GLIS3: variants seen among roughly 807,000 people sequenced by gnomAD.
The protein encoded by GLIS3 is GLIS family zinc finger 3.
In GLIS3, 53 loss-of-function variants were observed where a neutral mutation model predicts 78.6. The ratio of observed to expected loss-of-function variants is 0.67; its 90% CI spans 0.54 to 0.85. The LOEUF (loss-of-function observed/expected upper bound fraction) is 0.85, where lower values mean the gene tolerates loss of function less well. GLIS3 is among the 40% of genes least tolerant of loss of function. GLIS3 has a pLI of 0.00. For synonymous variants in GLIS3, 684 were observed against 509.9 expected (o/e 1.34, Z -4.60); for missense variants, 1,703 against 1,231.1 (o/e 1.38, Z -5.74).
At chr9:4,128,719 G>A (rs1832751402) in intron 2 of GLIS3, among the ~76,000 whole-genome samples, 1 of 151,974 alleles carries the variant, frequency 6.6e-6, no homozygotes, top group Admixed American at 6.5e-5. Context: ...CATCTTCCTG[G>A]GCCAGAATTT....
In GLIS3 at chr9:4,270,389, T is replaced by C. The variant is rs12351481; in HGVS notation, c.388+15649A>G. ...TACACATTTATCACCTCAGTCTCCATGGTCAGCAATCTGAGCATGGCTTAG... is the reference window on the plus strand; with the variant it reads ...TACACATTTATCACCTCAGTCTCCACGGTCAGCAATCTGAGCATGGCTTAG... On this transcript the variant is annotated intron_variant, in intron 2 of 10. Coordinates refer to ENST00000381971, the MANE Select transcript of GLIS3 (RefSeq NM_001042413.2). Among the ~76,000 whole-genome samples, 5 of 152,106 alleles carry C rather than the reference T, an allele frequency of 3.3e-5. No homozygotes were observed. The South Asian group carries it at 1.0e-3, about 32-fold the overall frequency.
intron 4 of GLIS3, among the ~76,000 whole-genome samples, chr9:4,019,671 G>C (rs1480003475): frequency 1.3e-5 from 2 of 152,084 alleles, no homozygotes; most frequent in Non-Finnish European, 2.9e-5. Context: ...ATTAGAGTAG[G>C]GTAAGGGAGA....
chr9:3,879,958 C>T (rs1224738943), intron 7 of GLIS3, among the ~76,000 whole-genome samples: 1 of 152,110 alleles, frequency 6.6e-6, no homozygotes, highest in African/African-American at 2.4e-5. Flanking sequence ...AGTCAGGTAA[C>T]AGAATATTTG....
intron 2 of GLIS3, among the ~76,000 whole-genome samples, chr9:4,169,559 A>G (rs535172836): frequency 2.0e-5 from 3 of 152,242 alleles, no homozygotes; most frequent in African/African-American, 7.2e-5. Context: ...TGAACTCTCT[A>G]AGGTCTGTAT....
chr9:4,198,835 G>C (rs4740756), intron 2 of GLIS3, among the ~76,000 whole-genome samples: 1 of 151,982 alleles, frequency 6.6e-6, no homozygotes, highest in Non-Finnish European at 1.5e-5. Context: ...CACATACAAT[G>C]GGAGCCCCAT....
At chr9:4,303,635 C>G (rs1817151718), upstream of GLIS3, among the ~76,000 whole-genome samples, 1 of 152,170 alleles carries the variant, frequency 6.6e-6, no homozygotes, top group South Asian at 2.1e-4. Flanking sequence ...AAATCAGAGT[C>G]TAAAATGTGT....
intron 4 of GLIS3, among the ~76,000 whole-genome samples, chr9:3,947,899 T>C (rs1816407923): frequency 1.3e-5 from 2 of 152,232 alleles, no homozygotes; most frequent in Admixed American, 6.5e-5. Context: ...AAGCCATCGA[T>C]TTCCATTATG....
At chr9:4,273,819 T>G (rs754231829) in intron 2 of GLIS3, among the ~76,000 whole-genome samples, 1 of 152,082 alleles carries the variant, frequency 6.6e-6, no homozygotes, top group Non-Finnish European at 1.5e-5. Flanking sequence ...TCTCTTGTCT[T>G]TCTCAGCTTC....
At chr9:3,940,533 C>G (rs1815806305) in intron 4 of GLIS3, among the ~76,000 whole-genome samples, 1 of 152,156 alleles carries the variant, frequency 6.6e-6, no homozygotes, top group Non-Finnish European at 1.5e-5. Flanking sequence ...GCTTCCTGGG[C>G]TAGCTGTAGG....
chr9:4,093,883 C>A (rs1285392008), intron 4 of GLIS3, among the ~76,000 whole-genome samples: 1 of 152,178 alleles, frequency 6.6e-6, no homozygotes, highest in African/African-American at 2.4e-5. Context: ...ACTTCAGTAA[C>A]CCTGAGGTCT....
intron 4 of GLIS3, among the ~76,000 whole-genome samples, chr9:3,961,412 A>G (rs946393188): frequency 6.6e-6 from 1 of 152,232 alleles, no homozygotes; most frequent in Non-Finnish European, 1.5e-5. Context: ...ACAAAATTCA[A>G]ATATATTACA....
At chr9:3,934,318 A>G (rs474511) in intron 5 of GLIS3, among the ~76,000 whole-genome samples, 144,285 of 152,274 alleles carry the variant, frequency 0.95, 68,705 homozygotes, top group East Asian at 1. Flanking sequence ...ATGTACAAAA[A>G]GCTTGATGAC....
chr9:4,190,096 A>G (rs1818197835), intron 2 of GLIS3, among the ~76,000 whole-genome samples: 1 of 152,182 alleles, frequency 6.6e-6, no homozygotes, highest in South Asian at 2.1e-4. Context: ...AACAGAACAG[A>G]AAAACTGGAA....
intron 4 of GLIS3, among the ~76,000 whole-genome samples, chr9:4,039,406 CTT>C (rs2130350538): frequency 6.6e-6 from 1 of 152,306 alleles, no homozygotes; most frequent in African/African-American, 2.4e-5. Context: ...CTCTCTCTCT[CTT>C]CCAGACAATG....
intron 4 of GLIS3, among the ~76,000 whole-genome samples, chr9:4,078,109 G>C (rs1828233191): frequency 6.6e-6 from 1 of 151,670 alleles, no homozygotes; most frequent in Non-Finnish European, 1.5e-5. Context: ...TAAGTAAATT[G>C]AGAATGAATT....
chr9:4,286,245 T>C lies in GLIS3; in HGVS notation c.181A>G (p.Lys61Glu). The change falls in exon 2 of 11, where the codon AAG (lysine) becomes GAG (glutamate). Residue 61 changes from lysine to glutamate, a missense_variant. Lys to Glu is a moderately conservative substitution (Grantham distance 56). Coordinates refer to ENST00000381971, the MANE Select transcript of GLIS3 (RefSeq NM_001042413.2). ...GCCATCCCTCCTCCTGAGGGCATCT[T>C]GAGATGGAGGTTGTTAGCAAGGCTT... ...MASLANNLHL[K>E]MPSGGGMAPQ... The C allele has an allele frequency of 6.2e-7, 1 of 1,613,008 alleles. No individual in the cohort carries two copies. The highest frequency in any genetic ancestry group is 8.5e-7 in the Non-Finnish European group (1 of 1,178,978).
At chr9:4,374,833 T>C in the GLIS3 span, among the ~76,000 whole-genome samples, 1 of 152,394 alleles carries the variant, frequency 6.6e-6, no homozygotes, top group South Asian at 2.1e-4. Context: ...GCATCTGCCA[T>C]CAACACACAT....
intron 4 of GLIS3, among the ~76,000 whole-genome samples, chr9:3,990,048 C>T (rs1385930213): frequency 6.6e-6 from 1 of 152,180 alleles, no homozygotes; most frequent in Non-Finnish European, 1.5e-5. Flanking sequence ...TGTGAATTTA[C>T]AATTATCTCA....
chr9:4,210,600 A>G (rs190008155), intron 2 of GLIS3, among the ~76,000 whole-genome samples: 1 of 152,176 alleles, frequency 6.6e-6, no homozygotes, highest in African/African-American at 2.4e-5. Flanking sequence ...CTTATGTGGG[A>G]ATTCTACAAT....
Sources: gnomAD v4.1 joint callset for allele counts (sites outside exome capture counted in the v4.1 genomes callset) on GRCh38, gnomAD v4.1.1 for gene constraint, MANE v1.5 for transcripts, NCBI Gene and HGNC (gene_info 2026-07-23, HGNC 2026-07-21) for gene names.